DACH1: variants seen among roughly 807,000 people sequenced by gnomAD.
The protein encoded by DACH1 is dachshund family transcription factor 1, also known as dachshund homolog 1.
DACH1 carries 12 observed loss-of-function variants against 54.2 expected under a neutral mutation model. That is an observed-to-expected ratio of 0.22 (90% CI 0.14 to 0.36). DACH1 has a LOEUF of 0.36. Ranked by LOEUF, DACH1 falls within the 10% of genes least tolerant of loss-of-function variation. The pLI, the probability that DACH1 is intolerant of heterozygous loss-of-function variation, is 1.00. For synonymous variants in DACH1, 386 were observed against 366.2 expected, an observed-to-expected ratio of 1.05 and a Z score of -0.62; for missense variants, 805 against 929.8, an observed-to-expected ratio of 0.87 and a Z score of 1.75.
At chr13:71,572,818 A>G in intron 4 of DACH1, 22 bp downstream of exon 4, 1 of 1,600,418 alleles carries the variant, frequency 6.2e-7, no homozygotes, top group Non-Finnish European at 8.5e-7. Flanking sequence ...ATGCCAAAAT[A>G]ATTGTATAAA....
At chr13:71,828,547 A>G (rs1888466557) in intron 1 of DACH1, among the ~76,000 whole-genome samples, 1 of 152,020 alleles carries the variant, frequency 6.6e-6, no homozygotes, top group African/African-American at 2.4e-5. Flanking sequence ...TTGTAGCACA[A>G]AAGCATGTAT....
intron 6 of DACH1, among the ~76,000 whole-genome samples, chr13:71,503,971 T>C (rs1240577919): frequency 1.3e-5 from 2 of 152,180 alleles, no homozygotes; most frequent in African/African-American, 4.8e-5. Context: ...TCAGCATTCT[T>C]CCCTTGGCGA....
rs574429315 is a variant in DACH1 at position 71,597,129 on chromosome 13, T to A, written c.1127-24117A>T. Among the ~76,000 whole-genome samples, 38 of 152,284 alleles carry A rather than the reference T, an allele frequency of 2.5e-4. No homozygotes were observed. In the Middle Eastern group the frequency reaches 0.024, roughly 95 times the overall value. On this transcript the variant is annotated intron_variant, in intron 3 of 10. Coordinates refer to ENST00000613252, the MANE Select transcript of DACH1 (RefSeq NM_080759.6). ...AAGAATTGGTATAATAAGCTATGAT[T>A]TTTGTGATGTAGCGTGAATTGAGGG...
At chr13:71,704,966 AT>A (rs1325402791) in intron 1 of DACH1, among the ~76,000 whole-genome samples, 2 of 152,222 alleles carry the variant, frequency 1.3e-5, no homozygotes, top group African/African-American at 2.4e-5. Context: ...AATTAAAAAA[AT>A]AAAATACAAA....
intron 1 of DACH1, among the ~76,000 whole-genome samples, chr13:71,846,686 T>C (rs189229825): frequency 5.8e-4 from 88 of 152,280 alleles, no homozygotes; most frequent in East Asian, 1.9e-4. Flanking sequence ...AATAGGACAA[T>C]ATAATAGGAA....
intron 1 of DACH1, among the ~76,000 whole-genome samples, chr13:71,763,364 T>C (rs969312045): frequency 6.6e-6 from 1 of 152,206 alleles, no homozygotes; most frequent in African/African-American, 2.4e-5. Flanking sequence ...TTTTTGCTTA[T>C]AAGATATTAC....
intron 10 of DACH1, among the ~76,000 whole-genome samples, chr13:71,443,055 A>T (rs1403033225): frequency 2.7e-5 from 4 of 148,372 alleles, no homozygotes; most frequent in African/African-American, 9.8e-5. Context: ...TTATATATAT[A>T]ATTATATATA....
intron 1 of DACH1, among the ~76,000 whole-genome samples, chr13:71,862,455 G>A (rs1007401632): frequency 6.6e-6 from 1 of 152,052 alleles, no homozygotes; most frequent in African/African-American, 2.4e-5. Flanking sequence ...ATTGGAGGAA[G>A]CTGATCAAGG....
intron 1 of DACH1, among the ~76,000 whole-genome samples, chr13:71,842,769 A>G (rs1872965080): frequency 6.6e-6 from 1 of 152,162 alleles, no homozygotes. Flanking sequence ...TCAAAGTTAA[A>G]TTTTAAAATA....
rs746930634 is a variant in DACH1, at chr13:71,557,012, A to T, written c.1570+12T>A. The T allele has an allele frequency of 2.5e-6, 4 of 1,589,314 alleles. No homozygotes were observed. In the African/African-American group the frequency reaches 5.5e-5, roughly 22 times the overall value. ...AATCGGGAAAAACAAGGAATATATA[A>T]TCATACATTACCTTTTTCAATATGC... is the stretch of plus-strand genomic sequence containing the variant. On this transcript the variant is annotated intron_variant, in intron 6 of 10. Transcript: ENST00000613252.
intron 6 of DACH1, among the ~76,000 whole-genome samples, chr13:71,508,561 G>A (rs1374129838): frequency 6.6e-6 from 1 of 151,820 alleles, no homozygotes; most frequent in Non-Finnish European, 1.5e-5. Context: ...CAACTTCCTA[G>A]GCTCAAGCAG....
In DACH1 at chr13:71,671,748, T is replaced by C. The variant is rs573541542; in HGVS notation, c.964+10047A>G. On this transcript the variant is annotated intron_variant, in intron 2 of 10. Transcript: ENST00000613252. The stretch of plus-strand genomic sequence containing the variant: ...TTAAATAAATTGAATAGAAAAACCG[T>C]GGCTAACAACTTTTCATCCCAGTTT... 9.9e-5 allele frequency among the ~76,000 whole-genome samples: 15 copies of C among 152,170 alleles called. 2 individuals are homozygous for C. The South Asian group carries it at 2.7e-3, about 27-fold the overall frequency.
At chr13:71,834,315 A>C (rs1038637016) in intron 1 of DACH1, among the ~76,000 whole-genome samples, 5 of 152,024 alleles carry the variant, frequency 3.3e-5, no homozygotes, top group Non-Finnish European at 7.4e-5. Flanking sequence ...GATACAGCAA[A>C]CGTTATGATA....
At chr13:71,464,880 G>A in intron 10 of DACH1, 1 of 334,662 alleles carries the variant, frequency 3.0e-6, no homozygotes, top group Non-Finnish European at 5.7e-6. Flanking sequence ...CAGGGAAACT[G>A]GAAGGGAATG....
At chr13:71,555,742 G>A (rs933581925) in intron 6 of DACH1, among the ~76,000 whole-genome samples, 2 of 152,020 alleles carry the variant, frequency 1.3e-5, no homozygotes, top group African/African-American at 4.8e-5. Context: ...ATGACATTCT[G>A]CTTTATTGTT....
At chr13:71,599,176 TAAA>T (rs1874319119) in intron 3 of DACH1, among the ~76,000 whole-genome samples, 1 of 152,164 alleles carries the variant, frequency 6.6e-6, no homozygotes, top group Non-Finnish European at 1.5e-5. Flanking sequence ...AGCATTCATC[TAAA>T]AAATGAGTTT....
At chr13:71,466,722 T>C (rs1876605372) in intron 10 of DACH1, among the ~76,000 whole-genome samples, 1 of 151,610 alleles carries the variant, frequency 6.6e-6, no homozygotes, top group South Asian at 2.1e-4. Flanking sequence ...ACACAACGTC[T>C]GTGGTCCCAA....
intron 1 of DACH1, among the ~76,000 whole-genome samples, chr13:71,790,787 G>T (rs1886799394): frequency 6.6e-6 from 1 of 152,108 alleles, no homozygotes; most frequent in African/African-American, 2.4e-5. Context: ...ACTTTGCAAT[G>T]ATTATTTTTA....
chr13:71,611,131 T>C lies in DACH1; in HGVS notation c.1126+19425A>G, dbSNP rs80325447. Among the ~76,000 whole-genome samples the C allele has an allele frequency of 1.3e-3, 192 of 152,264 alleles. 2 individuals carry two copies. In the East Asian group the frequency reaches 0.03, roughly 24 times the overall value. On this transcript the variant is annotated intron_variant, in intron 3 of 10. Coordinates refer to ENST00000613252, the MANE Select transcript of DACH1 (RefSeq NM_080759.6). ...CAGCAATTTGAATTTCTCTGGTAGC[T>C]CAGTATGATTTATGGCATAATTCAG...
Sources: allele counts gnomAD v4.1 joint callset (sites outside exome capture counted in the v4.1 genomes callset), GRCh38; gene constraint gnomAD v4.1.1; transcripts MANE v1.5; gene names NCBI Gene and HGNC (gene_info 2026-07-23, HGNC 2026-07-21).